The following RICTOR variants were observed in gnomAD, a reference collection of about 807,000 sequenced individuals.
RICTOR encodes rapamycin-insensitive companion of mTOR.
In RICTOR, 49 loss-of-function variants were observed where a neutral mutation model predicts 214.9. The observed-to-expected ratio is 0.23, with a 90% CI of 0.18 to 0.29. RICTOR has a LOEUF of 0.29. Among genes scored for constraint, RICTOR ranks in the 10% least tolerant of loss-of-function variants. RICTOR has a pLI of 1.00. For synonymous variants in RICTOR, 717 were observed against 711.3 expected (o/e 1.01, Z -0.13); for missense variants, 1,625 against 2,047.0 (o/e 0.79, Z 3.98).
intron 10 of RICTOR, 37 bp from the exon 11 acceptor site, chr5:38,971,996 G>T: frequency 3.2e-6 from 3 of 928,428 alleles, no homozygotes; most frequent in South Asian, 3.0e-5. Flanking sequence ...TCACTGACAT[G>T]AATTTCAAAA....
At position 38,995,694 on chromosome 5, in the gene RICTOR, T is replaced by C. The variant is rs560861407; in HGVS notation, c.456+1125A>G. Among the ~76,000 whole-genome samples, 3 of 152,220 alleles carry C rather than the reference T, an allele frequency of 2.0e-5. No homozygotes were observed. The South Asian group carries it at 6.2e-4, about 32-fold the overall frequency. On this transcript the variant is annotated intron_variant, in intron 6 of 37. Coordinates refer to ENST00000357387, the MANE Select transcript of RICTOR (RefSeq NM_152756.5). ...TATAAATACTGACATATAACCCAAA[T>C]AACCAAAAAATTGTTCTAGGTTCTT...
chr5:39,019,659 G>C (rs1755246048), intron 3 of RICTOR, among the ~76,000 whole-genome samples: 1 of 152,148 alleles, frequency 6.6e-6, no homozygotes, highest in Admixed American at 6.6e-5. Context: ...AATGCACCTA[G>C]TCACCCAAGA....
At chr5:38,979,091 T>A (rs1291403631) in intron 8 of RICTOR, among the ~76,000 whole-genome samples, 1 of 152,184 alleles carries the variant, frequency 6.6e-6, no homozygotes, top group Non-Finnish European at 1.5e-5. Flanking sequence ...ATAAAGAAAA[T>A]CCAAGTTATT....
intron 5 of RICTOR, among the ~76,000 whole-genome samples, chr5:39,000,723 T>G (rs935366323): frequency 1.3e-5 from 2 of 151,696 alleles, no homozygotes; most frequent in African/African-American, 4.8e-5. Context: ...ACATAGAAAA[T>G]CCAAAGTAAT....
At chr5:39,025,800 A>C (rs1298308097) in intron 2 of RICTOR, among the ~76,000 whole-genome samples, 1 of 152,168 alleles carries the variant, frequency 6.6e-6, no homozygotes, top group Admixed American at 6.5e-5. Flanking sequence ...CCCACCTCCT[A>C]ATACCAATAC....
Position 38,949,697 on chromosome 5 carries a change from C to T in RICTOR, c.4136+15G>A. On this transcript the variant is annotated intron_variant, in intron 31 of 37. Transcript: ENST00000357387. ...GCAACCATTATTGGTCACTTCTAAA[C>T]ATATATTTGCTTACCTGCTTGGTGT... 1.2e-6 allele frequency: 2 copies of T among 1,604,056 alleles called. No homozygotes were observed. Among genetic ancestry groups the T allele is most frequent in the Non-Finnish European group, 1.7e-6 (2 of 1,173,728 alleles).
chr5:38,945,089 T>A, intron 34 of RICTOR, 21 bp from the exon 35 acceptor site: 1 of 1,551,340 alleles, frequency 6.4e-7, no homozygotes, highest in Non-Finnish European at 8.8e-7. Context: ...AAATAATTAT[T>A]TCAATTAAAG....
At chr5:38,998,263 T>C (rs1279722289) in intron 5 of RICTOR, among the ~76,000 whole-genome samples, 1 of 152,206 alleles carries the variant, frequency 6.6e-6, no homozygotes, top group Non-Finnish European at 1.5e-5. Context: ...TTTTGTTTGT[T>C]TGGATATTTT....
Position 39,039,360 on chromosome 5 carries a change from A to G in RICTOR, c.98-18224T>C, listed in dbSNP as rs563590349. Among the ~76,000 whole-genome samples the G allele has an allele frequency of 3.2e-3, 482 of 152,246 alleles. 6 individuals carry two copies. The highest frequency in any genetic ancestry group is 0.011 in the African/African-American group (465 of 41,536). ...AAATGTTAGACCTAAAACCATAAAA[A>G]CCCTAGAAGAAAACCTAGGCAATAC... On this transcript the variant is annotated intron_variant, in intron 2 of 37. Coordinates refer to ENST00000357387, the MANE Select transcript of RICTOR (RefSeq NM_152756.5).
chr5:38,953,550 T>A lies in RICTOR; in HGVS notation c.2701A>T (p.Ile901Phe). The A allele has an allele frequency of 1.6e-6, 2 of 1,213,768 alleles. No individual in the cohort carries two copies. Among genetic ancestry groups the A allele is most frequent in the African/African-American group, 2.1e-5 (1 of 46,688 alleles). The allele number at this position is 1,213,768 out of a possible 1,614,324, so 75.2% of individuals were successfully genotyped here. Reference protein sequence around the residue: ...TGCHLLEVQNIITELCRNVRT... With the variant: ...TGCHLLEVQNFITELCRNVRT... ...ACATTACGACAGAGTTCTGTAATAA[T>A]ATTCTGGAGAAAGAAAAAAAAATAC... Residue 901 changes from isoleucine to phenylalanine, a missense_variant, in exon 28 of 38, where the codon ATT becomes TTT. By Grantham distance (21) the Ile-to-Phe change is conservative (BLOSUM62 0). Transcript: ENST00000357387.
intron 11 of RICTOR, among the ~76,000 whole-genome samples, chr5:38,968,483 A>C (rs1277014851): frequency 4.6e-4 from 69 of 148,736 alleles, no homozygotes; most frequent in Admixed American, 5.4e-4. Context: ...AAACAAAACA[A>C]AAAAAAAAAA....
intron 2 of RICTOR, among the ~76,000 whole-genome samples, chr5:39,048,211 T>C (rs77939072): frequency 1.3e-5 from 2 of 152,152 alleles, no homozygotes; most frequent in Non-Finnish European, 2.9e-5. Context: ...AGACTCTTCA[T>C]TATGACAAAA....
At chr5:38,960,699 T>TGCC (rs1236603293) in intron 19 of RICTOR, among the ~76,000 whole-genome samples, 166 bp from the exon 20 acceptor site, 3 of 152,170 alleles carry the variant, frequency 2.0e-5, no homozygotes, top group Admixed American at 1.3e-4. Flanking sequence ...TGATATGGTC[T>TGCC]GCCTGTGCCC....
chr5:39,045,060 T>C (rs1384586111), intron 2 of RICTOR, among the ~76,000 whole-genome samples: 1 of 152,200 alleles, frequency 6.6e-6, no homozygotes, highest in Non-Finnish European at 1.5e-5. Flanking sequence ...AGTGCTTTCT[T>C]AGACTTCATC....
chr5:39,009,670 G>A (rs1250423175), intron 3 of RICTOR, among the ~76,000 whole-genome samples: 8 of 150,568 alleles, frequency 5.3e-5, no homozygotes, highest in Admixed American at 5.3e-4. Flanking sequence ...GTAGAAGAGG[G>A]CTTTAATCAG....
At chr5:39,031,491 A>G (rs1254445910) in intron 2 of RICTOR, among the ~76,000 whole-genome samples, 1 of 152,028 alleles carries the variant, frequency 6.6e-6, no homozygotes, top group Non-Finnish European at 1.5e-5. Flanking sequence ...TCTAACTCAT[A>G]CCTAAATTAT....
At chr5:39,033,632 T>C (rs1756431806) in intron 2 of RICTOR, among the ~76,000 whole-genome samples, 1 of 152,050 alleles carries the variant, frequency 6.6e-6, no homozygotes, top group African/African-American at 2.4e-5. Context: ...TTGTAACATA[T>C]TAAAATTGTC....
At chr5:38,966,281 T>C (rs911430969) in intron 15 of RICTOR, among the ~76,000 whole-genome samples, 1 of 152,214 alleles carries the variant, frequency 6.6e-6, no homozygotes, top group African/African-American at 2.4e-5. Context: ...ACTGAAGTAG[T>C]ATCCATAGTT....
rs1406868260 is a variant in RICTOR at position 38,996,886 on chromosome 5, A to C, written c.393-4T>G. The C allele has an allele frequency of 6.3e-7, 1 of 1,595,096 alleles. No individual in the cohort carries two copies. The highest frequency in any genetic ancestry group is 2.2e-5 in the East Asian group (1 of 44,624). ...GCTCTGTTGTATGTCAATGCACCTA[A>C]ACAATACACAAAATATTAATCATTG... On this transcript the variant is annotated splice_region_variant and splice_polypyrimidine_tract_variant and intron_variant, in intron 5 of 37. Transcript: ENST00000357387.
Sources: allele counts gnomAD v4.1 joint callset (sites outside exome capture counted in the v4.1 genomes callset), GRCh38; gene constraint gnomAD v4.1.1; transcripts MANE v1.5; gene names NCBI Gene and HGNC (gene_info 2026-07-23, HGNC 2026-07-21).